Variants in LRP1B observed in about 807,000 individuals in gnomAD.
LRP1B encodes LDL receptor related protein 1B, also known as low-density lipoprotein receptor-related protein 1B.
In LRP1B, 217 loss-of-function variants were observed where a neutral mutation model predicts 556.6. The observed-to-expected ratio is 0.39, with a 90% CI of 0.35 to 0.44. The LOEUF is 0.44. LRP1B is among the 20% of genes least tolerant of loss of function. The pLI, the probability that LRP1B is intolerant of heterozygous loss-of-function variation, is 1.00. For missense variants in LRP1B, 5,053 were observed against 5,620.8 expected (o/e 0.90, Z 3.23); for synonymous variants, 2,047 against 1,865.8 (o/e 1.10, Z -2.50).
chr2:141,795,475 A>G (rs762613308), intron 2 of LRP1B, among the ~76,000 whole-genome samples: 2 of 152,070 alleles, frequency 1.3e-5, no homozygotes, highest in Non-Finnish European at 2.9e-5. Context: ...CATCTACATT[A>G]ATTTTAAGTT....
chr2:141,340,372 GC>G (rs1423353855), intron 3 of LRP1B, among the ~76,000 whole-genome samples: 1 of 152,090 alleles, frequency 6.6e-6, no homozygotes, highest in East Asian at 1.9e-4. Context: ...CAATTTCCTT[GC>G]TTTTCTTCAC....
At chr2:140,729,512 C>T (rs141505651) in intron 35 of LRP1B, among the ~76,000 whole-genome samples, 59 of 152,132 alleles carry the variant, frequency 3.9e-4, no homozygotes, top group African/African-American at 1.2e-3. Flanking sequence ...CATAAATGTG[C>T]TATGCTTGGA....
At chr2:142,127,402 CCATT>C (rs1315293415) in intron 1 of LRP1B, among the ~76,000 whole-genome samples, 3 of 151,544 alleles carry the variant, frequency 2.0e-5, no homozygotes, top group South Asian at 2.1e-4. Flanking sequence ...ATCCATCCAT[CCATT>C]CATCTTTTTC....
chr2:140,329,969 G>A (rs1680709658), intron 79 of LRP1B, among the ~76,000 whole-genome samples: 1 of 151,820 alleles, frequency 6.6e-6, no homozygotes, highest in Non-Finnish European at 1.5e-5. Context: ...AGAGGCTGAG[G>A]CGGGTTGATC....
intron 37 of LRP1B, among the ~76,000 whole-genome samples, chr2:140,706,495 CA>C (rs5834766): frequency 0.017 from 2,533 of 152,062 alleles, 88 homozygotes; most frequent in Admixed American, 0.072. Flanking sequence ...AATTTAAAAA[CA>C]TATAATTTTA....
rs1341211325 is a variant in LRP1B, at chr2:141,519,394, TATATATATGAA to T, written c.206-38872_206-38862del. Among the ~76,000 whole-genome samples the T allele has an allele frequency of 8.4e-3, 167 of 19,928 alleles. 7 individuals are homozygous for T. The highest frequency in any genetic ancestry group is 0.02 in the African/African-American group (100 of 4,976). The allele number at this position is 19,928 out of a possible 152,430, so 13.1% of individuals were successfully genotyped here. A position where few individuals can be genotyped will look rare whatever the true frequency, so the allele number is the denominator to read the frequency against. ...ATATATATATATATATATATATATA[TATATATATGAA>T]ATGCAATATTTATTGAATTTAGTTT... On this transcript the variant is annotated intron_variant, in intron 2 of 90. Coordinates refer to ENST00000389484, the MANE Select transcript of LRP1B (RefSeq NM_018557.3).
At chr2:141,034,598 A>G (rs1049399680) in intron 11 of LRP1B, among the ~76,000 whole-genome samples, 19 of 151,946 alleles carry the variant, frequency 1.3e-4, no homozygotes, top group Non-Finnish European at 1.0e-4. Flanking sequence ...CAAAAAACAC[A>G]TGAAAAAATG....
At chr2:140,715,690 T>G (rs1181339075) in intron 37 of LRP1B, among the ~76,000 whole-genome samples, 1 of 152,066 alleles carries the variant, frequency 6.6e-6, no homozygotes, top group Non-Finnish European at 1.5e-5. Context: ...AATACCTAAT[T>G]ATGTAAACAA....
At chr2:140,674,253 T>G (rs1685590902) in intron 41 of LRP1B, among the ~76,000 whole-genome samples, 2 of 152,134 alleles carry the variant, frequency 1.3e-5, no homozygotes, top group African/African-American at 4.8e-5. Context: ...TGAAATATAT[T>G]TCTTTGACAT....
intron 49 of LRP1B, among the ~76,000 whole-genome samples, chr2:140,525,599 G>T (rs1428086052): frequency 3.3e-5 from 5 of 151,840 alleles, no homozygotes; most frequent in African/African-American, 1.2e-4. Flanking sequence ...TTTTGAAAGG[G>T]TTAATAACTA....
intron 66 of LRP1B, among the ~76,000 whole-genome samples, chr2:140,416,243 A>T (rs143165545): frequency 4.1e-4 from 63 of 152,302 alleles, no homozygotes; most frequent in African/African-American, 1.5e-3. Context: ...ATTCCTTAGG[A>T]TAATCTAATG....
chr2:141,325,493 A>G (rs533564622), intron 3 of LRP1B, among the ~76,000 whole-genome samples: 91 of 152,256 alleles, frequency 6.0e-4, no homozygotes, highest in Non-Finnish European at 9.6e-4. Flanking sequence ...GCAAACAGTC[A>G]CAGACTATAC....
At chr2:141,046,500 C>A (rs1698873590) in intron 11 of LRP1B, among the ~76,000 whole-genome samples, 1 of 152,052 alleles carries the variant, frequency 6.6e-6, no homozygotes, top group African/African-American at 2.4e-5. Context: ...TTAAGCTGTT[C>A]CTTGTGTAGA....
chr2:140,975,982 A>C (rs1308930180), intron 18 of LRP1B, among the ~76,000 whole-genome samples: 2 of 152,044 alleles, frequency 1.3e-5, no homozygotes, highest in Non-Finnish European at 2.9e-5. Flanking sequence ...GCTGGAATGC[A>C]TCATGGCTCA....
chr2:140,275,956 T>A (rs960796632), intron 84 of LRP1B, among the ~76,000 whole-genome samples: 3 of 151,996 alleles, frequency 2.0e-5, no homozygotes, highest in Admixed American at 1.3e-4. Flanking sequence ...AAAGCAATCA[T>A]GTCTGTTTTT....
At chr2:140,654,595 C>A (rs201626745) in intron 41 of LRP1B, among the ~76,000 whole-genome samples, 7,101 of 152,144 alleles carry the variant, frequency 0.047, 359 homozygotes, top group East Asian at 0.22. Flanking sequence ...CAGTGTGAGG[C>A]ATTTTCCTCT....
At chr2:142,036,159 A>T (rs1703871152) in intron 1 of LRP1B, among the ~76,000 whole-genome samples, 1 of 151,696 alleles carries the variant, frequency 6.6e-6, no homozygotes, top group African/African-American at 2.4e-5. Flanking sequence ...ATCTCTTGCT[A>T]GTATTCCCTT....
chr2:140,982,859 G>GTTT (rs59121243), intron 17 of LRP1B, among the ~76,000 whole-genome samples: 5 of 147,620 alleles, frequency 3.4e-5, no homozygotes, highest in African/African-American at 1.2e-4. Flanking sequence ...GCCTTAAGGT[G>GTTT]TTTTTTTTTT....
At chr2:141,614,661 T>C (rs1057508858) in intron 2 of LRP1B, among the ~76,000 whole-genome samples, 1 of 152,040 alleles carries the variant, frequency 6.6e-6, no homozygotes, top group Non-Finnish European at 1.5e-5. Flanking sequence ...ATTGGAGTGA[T>C]AGATCTACAA....
Sources: gnomAD v4.1 joint callset for allele counts (sites outside exome capture counted in the v4.1 genomes callset) on GRCh38, gnomAD v4.1.1 for gene constraint, MANE v1.5 for transcripts, NCBI Gene and HGNC (gene_info 2026-07-23, HGNC 2026-07-21) for gene names.